CCNJL: variants seen among roughly 807,000 people sequenced by gnomAD.
CCNJL encodes cyclin J like, also known as cyclin-J-like protein.
A neutral mutation model predicts 33.4 loss-of-function variants in CCNJL; 33 were observed. The observed-to-expected ratio is 0.99, with a 90% confidence interval of 0.75 to 1.32. The LOEUF (loss-of-function observed/expected upper bound fraction) is 1.32, where lower values mean the gene tolerates loss of function less well. CCNJL is among the 40% of genes most tolerant of loss of function. The pLI, the probability that CCNJL is intolerant of heterozygous loss-of-function variation, is 0.00. For missense variants in CCNJL, 512 were observed against 499.7 expected (o/e 1.02, Z -0.23); for synonymous variants, 227 against 220.9 (o/e 1.03, Z -0.24).
chr5:160,319,012 C>G (rs1039954410), intron 1 of CCNJL, among the ~76,000 whole-genome samples: 1 of 152,172 alleles, frequency 6.6e-6, no homozygotes, highest in Non-Finnish European at 1.5e-5. Flanking sequence ...GAGAGGGCTC[C>G]GTAAACTGTC....
chr5:160,318,183 A>G (rs1763400708), intron 1 of CCNJL, among the ~76,000 whole-genome samples: 1 of 151,934 alleles, frequency 6.6e-6, no homozygotes, highest in Non-Finnish European at 1.5e-5. Context: ...TGCCTGGCTA[A>G]TTTTTGTATT....
At chr5:160,279,964 T>C (rs565833876) in intron 3 of CCNJL, among the ~76,000 whole-genome samples, 3 of 152,302 alleles carry the variant, frequency 2.0e-5, no homozygotes, top group African/African-American at 7.2e-5. Context: ...ACGCTGTGTT[T>C]TTAGTGAGGC....
At chr5:160,320,775 CTTTTCTTTCTTTCCTTTCTTT>C (rs2113471574) in intron 1 of CCNJL, among the ~76,000 whole-genome samples, 2 of 146,780 alleles carry the variant, frequency 1.4e-5, no homozygotes, top group East Asian at 3.9e-4. Flanking sequence ...TTCTTTCTTT[CTTTTCTTTCTTTCCTTTCTTT>C]CTTTCTTTCT....
At chr5:160,308,556 C>G (rs945007007) in intron 2 of CCNJL, among the ~76,000 whole-genome samples, 10 of 152,168 alleles carry the variant, frequency 6.6e-5, no homozygotes, top group Non-Finnish European at 1.3e-4. Context: ...AGGGGTTCTT[C>G]GAGACCAGCC....
intron 2 of CCNJL, among the ~76,000 whole-genome samples, chr5:160,289,868 G>A (rs1344053220): frequency 1.3e-5 from 2 of 152,188 alleles, no homozygotes; most frequent in East Asian, 1.9e-4. Flanking sequence ...GGGCTCAGAC[G>A]TGCCCGGGAG....
In CCNJL at chr5:160,259,599, C is replaced by T. The variant is rs1761228364; in HGVS notation, c.453G>A (p.Leu151=). 7 of 1,614,140 alleles carry T rather than the reference C, an allele frequency of 4.3e-6. No homozygotes were observed. The highest frequency in any genetic ancestry group is 1.7e-6 in the Non-Finnish European group (2 of 1,180,034). ...TGACGGAGGCCAAGAGGTAGTAGTCCAGGAAGTGGGCAGGCGTGGGCAGGC... is the reference window on the plus strand; with the variant it reads ...TGACGGAGGCCAAGAGGTAGTAGTCTAGGAAGTGGGCAGGCGTGGGCAGGC... ...NLCLPTPAHF[L]DYYLLASVSQ... The change falls in exon 4 of 6, where the codon CTG becomes CTA. Residue 151 remains leucine (L), a synonymous_variant. Transcript: ENST00000257536.
intron 3 of CCNJL, among the ~76,000 whole-genome samples, chr5:160,270,122 G>A (rs1453006241): frequency 4.0e-5 from 6 of 151,546 alleles, no homozygotes; most frequent in African/African-American, 1.5e-4. Flanking sequence ...ACCAGCCTGG[G>A]CAACATGGCA....
chr5:160,292,579 C>T lies in CCNJL; in HGVS notation c.67-11841G>A, dbSNP rs1762620550. 2.6e-5 allele frequency among the ~76,000 whole-genome samples: 4 copies of T among 152,090 alleles called. No individual in the cohort carries two copies. The South Asian group carries it at 8.3e-4, about 32-fold the overall frequency. On this transcript the variant is annotated intron_variant, in intron 2 of 5. Transcript: ENST00000257536. ...GAGGCTGCAGTGACCTACGATTATG[C>T]CACTGCACTCTAGCCTGGGTGACAG... is the stretch of plus-strand genomic sequence containing the variant.
In CCNJL at chr5:160,321,052, TTC is replaced by T. The variant is rs1366520952; in HGVS notation, n.207-5549_207-5548del. ...TTTCTTTCTTTCTTTCTTTCTTTCT[TTC>T]TTTCTTTCTTTCTTTCTTTCTTTCT... On this transcript the variant is annotated intron_variant and non_coding_transcript_variant, in intron 1 of 7. Coordinates refer to the CCNJL transcript ENST00000377503. Among the ~76,000 whole-genome samples the T allele has an allele frequency of 1.3e-4, 16 of 124,680 alleles. 2 individuals are homozygous for T. Among genetic ancestry groups the T allele is most frequent in the African/African-American group, 6.3e-4 (15 of 23,806 alleles). 81.8% of individuals were successfully genotyped at this position (124,680 alleles called of 152,430 possible).
intron 2 of CCNJL, among the ~76,000 whole-genome samples, chr5:160,294,011 C>A (rs1215353001): frequency 6.6e-6 from 1 of 152,106 alleles, no homozygotes; most frequent in Non-Finnish European, 1.5e-5. Flanking sequence ...TGGGTTGAGA[C>A]AACAGCTAGA....
intron 4 of CCNJL, among the ~76,000 whole-genome samples, chr5:160,257,368 G>C (rs1317089206): frequency 2.0e-5 from 3 of 151,966 alleles, no homozygotes; most frequent in Non-Finnish European, 2.9e-5. Context: ...CCAGCTACTC[G>C]GGAGGCTGAG....
intron 3 of CCNJL, among the ~76,000 whole-genome samples, chr5:160,262,404 G>A (rs1761379264): frequency 6.6e-6 from 1 of 152,230 alleles, no homozygotes; most frequent in African/African-American, 2.4e-5. Context: ...TGCTCCCTCT[G>A]CTTCCTGGGA....
intron 1 of CCNJL, among the ~76,000 whole-genome samples, chr5:160,336,823 T>G (rs1763688157): frequency 6.6e-6 from 1 of 152,144 alleles, no homozygotes; most frequent in African/African-American, 2.4e-5. Context: ...CCCTTCACTT[T>G]CCGTCACAGG....
intron 2 of CCNJL, among the ~76,000 whole-genome samples, chr5:160,300,602 AT>A (rs1272778346): frequency 6.6e-6 from 1 of 152,108 alleles, no homozygotes; most frequent in Admixed American, 6.5e-5. Context: ...GCCCAAGGCA[AT>A]TCTTCTTCCA....
At chr5:160,327,707 A>C (rs147991284) in intron 1 of CCNJL, among the ~76,000 whole-genome samples, 128 of 152,272 alleles carry the variant, frequency 8.4e-4, no homozygotes, top group Non-Finnish European at 1.5e-3. Flanking sequence ...TGGCAGGATA[A>C]AGCTCCAGAG....
At chr5:160,263,226 C>T (rs780915631) in intron 3 of CCNJL, among the ~76,000 whole-genome samples, 6 of 152,150 alleles carry the variant, frequency 3.9e-5, no homozygotes, top group Admixed American at 6.5e-5. Context: ...CATGCCACCC[C>T]GAACACTTCA....
At chr5:160,323,946 G>A (rs954581673) in intron 1 of CCNJL, among the ~76,000 whole-genome samples, 6 of 152,176 alleles carry the variant, frequency 3.9e-5, no homozygotes, top group African/African-American at 1.2e-4. Context: ...CCTGCATTCC[G>A]ACGGGGACTA....
chr5:160,258,236 G>A (rs977273005), intron 4 of CCNJL: 21 of 634,146 alleles, frequency 3.3e-5, no homozygotes, highest in Non-Finnish European at 5.1e-5. Context: ...TTTTAAGACC[G>A]AGTCTCGCTG....
chr5:160,315,908 C>T (rs1549235), upstream of CCNJL, among the ~76,000 whole-genome samples: 130,179 of 152,144 alleles, frequency 0.86, 56,105 homozygotes, highest in African/African-American at 0.95. Context: ...TGAAAGAAGA[C>T]AGGCCTTTAT....
Sources: gnomAD v4.1 joint callset for allele counts (sites outside exome capture counted in the v4.1 genomes callset) on GRCh38, gnomAD v4.1.1 for gene constraint, MANE v1.5 for transcripts, NCBI Gene and HGNC (gene_info 2026-07-23, HGNC 2026-07-21) for gene names.